Variants in TMPRSS11E observed in about 807,000 individuals in gnomAD.
TMPRSS11E encodes the protein transmembrane serine protease 11E.
A neutral mutation model predicts 48.1 loss-of-function variants in TMPRSS11E; 38 were observed. The observed-to-expected ratio is 0.79, with a 90% CI of 0.61 to 1.04. The LOEUF is 1.04. Among genes scored for constraint, TMPRSS11E ranks in the 50% least tolerant of loss-of-function variants. The pLI is 0.00. For missense variants in TMPRSS11E, 530 were observed against 510.8 expected (o/e 1.04, Z -0.36); for synonymous variants, 158 against 171.9 (o/e 0.92, Z 0.63).
At position 68,478,834 on chromosome 4, in the gene TMPRSS11E, T is replaced by A; in HGVS notation, c.968-15T>A. Reference sequence around the variant, plus strand: ...TATGTATGTCTACAAATACAAAGACTTTTTTTTCTTTTAGGTTACAGTCAA... The same window carrying A: ...TATGTATGTCTACAAATACAAAGACATTTTTTTCTTTTAGGTTACAGTCAA... On this transcript the variant is annotated splice_polypyrimidine_tract_variant and intron_variant, in intron 8 of 9. Transcript: ENST00000305363. 1 of 1,607,782 alleles carries A rather than the reference T, an allele frequency of 6.2e-7. No individual in the cohort carries two copies. Among genetic ancestry groups the A allele is most frequent in the Non-Finnish European group, 8.5e-7 (1 of 1,177,214 alleles).
intron 8 of TMPRSS11E, 115 bp from the exon 9 acceptor site, chr4:68,478,734 C>T (rs541789275): frequency 1.6e-5 from 18 of 1,097,480 alleles, no homozygotes; most frequent in African/African-American, 6.3e-5. Flanking sequence ...GGATTACTGG[C>T]GTTAGTCACC....
chr4:68,471,352 C>A, intron 4 of TMPRSS11E, 108 bp from the exon 5 acceptor site: 1 of 609,336 alleles, frequency 1.6e-6, no homozygotes. Context: ...TTTCTTTCCT[C>A]CCTCCCTCCT....
intron 9 of TMPRSS11E, among the ~76,000 whole-genome samples, chr4:68,487,673 T>C (rs1339892506): frequency 6.6e-6 from 1 of 152,120 alleles, no homozygotes; most frequent in Non-Finnish European, 1.5e-5. Flanking sequence ...TCTCCTTCGC[T>C]TATGAAGCTT....
chr4:68,478,803 A>G (rs771168422), intron 8 of TMPRSS11E, 46 bp from the exon 9 acceptor site: 3 of 1,592,580 alleles, frequency 1.9e-6, no homozygotes, highest in Non-Finnish European at 2.6e-6. Flanking sequence ...TCAAGTTTAT[A>G]AAATATATGT....
chr4:68,466,384 A>G (rs1728926698), intron 2 of TMPRSS11E, among the ~76,000 whole-genome samples: 1 of 152,148 alleles, frequency 6.6e-6, no homozygotes, highest in Admixed American at 6.6e-5. Flanking sequence ...CCAATGAGCT[A>G]CTTGTACAGT....
chr4:68,461,702 C>T, intron 1 of TMPRSS11E, 119 bp from the exon 2 acceptor site: 1 of 1,495,820 alleles, frequency 6.7e-7, no homozygotes, highest in Non-Finnish European at 9.1e-7. Context: ...TGCTCTAAAC[C>T]CAGACAGTAC....
intron 9 of TMPRSS11E, among the ~76,000 whole-genome samples, chr4:68,491,332 A>C (rs35088884): frequency 0.51 from 71,086 of 140,426 alleles, 20,243 homozygotes; most frequent in Non-Finnish European, 0.65. Flanking sequence ...AAATTGAGAG[A>C]GCTCACTCTT....
In TMPRSS11E at chr4:68,478,929, G is replaced by A. The variant is rs951579620; in HGVS notation, c.1048G>A (p.Asp350Asn). 1.2e-5 allele frequency: 19 copies of A among 1,613,932 alleles called. No individual in the cohort carries two copies. In the African/African-American group the frequency reaches 2.1e-4, roughly 18 times the overall value. ...TTCNEPQAYN[D>N]AITPRMLCAG... The stretch of plus-strand genomic sequence containing the variant: ...TTGCAATGAACCTCAAGCTTACAAT[G>A]ACGCCATAACTCCTAGAATGTTATG... Residue 350 changes from aspartate (D) to asparagine (N), a missense_variant, in exon 9 of 10, where the codon GAC (aspartate) becomes AAC (asparagine). Asp to Asn is a conservative substitution (Grantham distance 23). Transcript: ENST00000305363.
intron 1 of TMPRSS11E, among the ~76,000 whole-genome samples, chr4:68,461,551 C>T (rs1331247198): frequency 6.6e-6 from 1 of 152,134 alleles, no homozygotes; most frequent in African/African-American, 2.4e-5. Context: ...TCATTTAATC[C>T]TCACAATAAT....
chr4:68,476,726 C>T (rs1406827068), intron 7 of TMPRSS11E, among the ~76,000 whole-genome samples: 1 of 152,134 alleles, frequency 6.6e-6, no homozygotes, highest in Non-Finnish European at 1.5e-5. Context: ...TGCTGTCAAA[C>T]AGGAGTGCTC....
intron 1 of TMPRSS11E, among the ~76,000 whole-genome samples, chr4:68,459,255 C>T (rs940897080): frequency 6.6e-6 from 1 of 151,794 alleles, no homozygotes; most frequent in East Asian, 1.9e-4. Flanking sequence ...CACAGTGGTA[C>T]CTTGGACACT....
chr4:68,470,004 T>A (rs902886372), intron 4 of TMPRSS11E, among the ~76,000 whole-genome samples: 3 of 151,924 alleles, frequency 2.0e-5, no homozygotes, highest in Admixed American at 1.3e-4. Context: ...CATTATTCTG[T>A]CTTCTGTTAC....
intron 9 of TMPRSS11E, among the ~76,000 whole-genome samples, chr4:68,487,383 C>A (rs766539508): frequency 6.6e-6 from 1 of 151,740 alleles, no homozygotes; most frequent in African/African-American, 2.4e-5. Flanking sequence ...CTCCTGAGTA[C>A]CTGGGATTAC....
intron 9 of TMPRSS11E, among the ~76,000 whole-genome samples, chr4:68,485,625 C>G (rs1729532159): frequency 6.6e-6 from 1 of 152,120 alleles, no homozygotes; most frequent in South Asian, 2.1e-4. Context: ...TTTGTTGTGT[C>G]TCTTCCAGGT....
At chr4:68,471,431 C>A in intron 4 of TMPRSS11E, 29 bp from the exon 5 acceptor site, 1 of 830,556 alleles carries the variant, frequency 1.2e-6, no homozygotes, top group Non-Finnish European at 1.5e-6. Flanking sequence ...TCTTTTCTTT[C>A]TTTCATTTTC....
intron 4 of TMPRSS11E, among the ~76,000 whole-genome samples, chr4:68,469,906 A>G (rs540801979): frequency 6.6e-6 from 1 of 152,054 alleles, no homozygotes; most frequent in African/African-American, 2.4e-5. Flanking sequence ...CTCATACTTT[A>G]TGAATAACTA....
rs766002502 is a variant in TMPRSS11E at position 68,466,606 on chromosome 4, T to C, written c.137-25T>C. On this transcript the variant is annotated intron_variant, in intron 2 of 9. Transcript: ENST00000305363. ...TACACACATCTGATAAAAATTATGA[T>C]AGTGTTTTGCTTCTTTCCTTGTAGA... 9.3e-6 allele frequency: 15 copies of C among 1,606,526 alleles called. No individual in the cohort carries two copies. The South Asian group carries it at 1.4e-4, about 15-fold the overall frequency.
chr4:68,494,355 G>A (rs963377342), intron 9 of TMPRSS11E, among the ~76,000 whole-genome samples: 2 of 151,950 alleles, frequency 1.3e-5, no homozygotes, highest in South Asian at 2.1e-4. Context: ...TAAGTTTCTC[G>A]CTCATATTAT....
intron 9 of TMPRSS11E, among the ~76,000 whole-genome samples, chr4:68,482,529 G>A (rs1729435095): frequency 7.2e-6 from 1 of 139,798 alleles, no homozygotes; most frequent in African/African-American, 2.7e-5. Flanking sequence ...CAAGGTGGGT[G>A]GATTTCTTGA....
Sources: gnomAD v4.1 joint callset for allele counts (sites outside exome capture counted in the v4.1 genomes callset) on GRCh38, gnomAD v4.1.1 for gene constraint, MANE v1.5 for transcripts, NCBI Gene and HGNC (gene_info 2026-07-23, HGNC 2026-07-21) for gene names.